The following ABCD3 variants were observed in gnomAD, a reference collection of about 807,000 sequenced individuals.
The protein encoded by ABCD3 is ATP-binding cassette sub-family D member 3.
In ABCD3, 41 loss-of-function variants were observed where a neutral mutation model predicts 105.5. That is an observed-to-expected ratio of 0.39 (90% CI 0.30 to 0.50). The LOEUF (loss-of-function observed/expected upper bound fraction) is 0.50. ABCD3 is among the 20% of genes least tolerant of loss of function. The probability of loss-of-function intolerance (pLI) is 0.84; values close to 1 mark genes in which losing one functional copy is unlikely to be tolerated. For synonymous variants in ABCD3, 258 were observed against 269.0 expected (o/e 0.96, Z 0.40); for missense variants, 622 against 806.3 (o/e 0.77, Z 2.77).
rs191557947 is a variant in ABCD3 at position 94,454,573 on chromosome 1, G to A, written c.111-4034G>A. 3.3e-5 allele frequency among the ~76,000 whole-genome samples: 5 copies of A among 152,222 alleles called. No homozygotes were observed. In the East Asian group the frequency reaches 9.7e-4, roughly 29 times the overall value. Reference sequence around the variant, plus strand: ...GTTGATTTTGTGGTTTGACTGAGGTGGTCTAGGATAGTATCTCTTTGACCT... The same window carrying A: ...GTTGATTTTGTGGTTTGACTGAGGTAGTCTAGGATAGTATCTCTTTGACCT... On this transcript the variant is annotated intron_variant, in intron 1 of 22. Coordinates refer to ENST00000370214, the MANE Select transcript of ABCD3 (RefSeq NM_002858.4).
At chr1:94,462,413 C>G (rs760127952) in intron 2 of ABCD3, among the ~76,000 whole-genome samples, 9 of 152,118 alleles carry the variant, frequency 5.9e-5, no homozygotes, top group Non-Finnish European at 1.5e-5. Context: ...TTCCTGACAT[C>G]TCTTTGAATT....
chr1:94,465,063 G>C (rs1648073728), intron 3 of ABCD3, among the ~76,000 whole-genome samples, 190 bp downstream of exon 3: 1 of 152,114 alleles, frequency 6.6e-6, no homozygotes, highest in Non-Finnish European at 1.5e-5. Context: ...GAAGGTGAAG[G>C]GGGAAGCCAG....
intron 1 of ABCD3, among the ~76,000 whole-genome samples, chr1:94,454,025 ATGTG>A (rs1224106216): frequency 6.6e-6 from 1 of 150,714 alleles, no homozygotes; most frequent in Non-Finnish European, 1.5e-5. Context: ...ATATAGATGT[ATGTG>A]GTCTATATAT....
At chr1:94,418,773 C>T (rs1378604928) in intron 1 of ABCD3, 185 bp downstream of exon 1, 6 of 629,608 alleles carry the variant, frequency 9.5e-6, no homozygotes, top group Non-Finnish European at 1.6e-5. Context: ...CGGCGTCGGT[C>T]CCAGCTGGCC....
intron 1 of ABCD3, among the ~76,000 whole-genome samples, chr1:94,432,194 G>A (rs929272678): frequency 6.6e-6 from 1 of 152,140 alleles, no homozygotes; most frequent in East Asian, 1.9e-4. Flanking sequence ...TTAAATAAAC[G>A]TTATTTTTAA....
the ABCD3 span, among the ~76,000 whole-genome samples, chr1:94,410,245 A>T: frequency 1.1e-4 from 17 of 152,320 alleles, no homozygotes; most frequent in East Asian, 3.3e-3. Flanking sequence ...ATAGATTCCC[A>T]TAGTACTTTG....
At chr1:94,480,681 A>G in intron 9 of ABCD3, 75 bp downstream of exon 9, 1 of 1,501,818 alleles carries the variant, frequency 6.7e-7, no homozygotes, top group Non-Finnish European at 9.2e-7. Flanking sequence ...TTGACTCCAA[A>G]AAGTCTAGTG....
intron 1 of ABCD3, among the ~76,000 whole-genome samples, chr1:94,457,603 T>G (rs1647640804): frequency 6.6e-6 from 1 of 152,036 alleles, no homozygotes; most frequent in Non-Finnish European, 1.5e-5. Flanking sequence ...GGCTCAGCTC[T>G]AGAGACACTC....
the ABCD3 span, among the ~76,000 whole-genome samples, chr1:94,401,766 G>T: frequency 6.6e-6 from 1 of 152,162 alleles, no homozygotes; most frequent in Non-Finnish European, 1.5e-5. Context: ...TTTAAAAAAT[G>T]ATTAGTTAGC....
chr1:94,466,189 T>C (rs779058719), intron 3 of ABCD3, among the ~76,000 whole-genome samples: 11 of 152,206 alleles, frequency 7.2e-5, no homozygotes, highest in Non-Finnish European at 1.0e-4. Flanking sequence ...CTCGTTTTGA[T>C]ATATAGTCAT....
In ABCD3 at chr1:94,444,450, C is replaced by T. The variant is rs1228909997; in HGVS notation, c.111-14157C>T. On this transcript the variant is annotated intron_variant, in intron 1 of 22. Coordinates refer to ENST00000370214, the MANE Select transcript of ABCD3 (RefSeq NM_002858.4). ...AAAGTGCTGTGATTACAGGTGTGAG[C>T]CACTGCACCTGGCCATTTTTATTTA... is the stretch of plus-strand genomic sequence containing the variant. Among the ~76,000 whole-genome samples, 3 of 151,996 alleles carry T rather than the reference C, an allele frequency of 2.0e-5. No individual in the cohort carries two copies. The South Asian group carries it at 6.2e-4, about 32-fold the overall frequency.
At chr1:94,420,890 T>C (rs2100864303) in intron 1 of ABCD3, among the ~76,000 whole-genome samples, 1 of 152,298 alleles carries the variant, frequency 6.6e-6, no homozygotes, top group Middle Eastern at 3.4e-3. Context: ...TAATAGTAGG[T>C]TGGTTTTAGA....
chr1:94,488,789 G>A (rs577388368), intron 13 of ABCD3, among the ~76,000 whole-genome samples: 12 of 151,366 alleles, frequency 7.9e-5, no homozygotes, highest in African/African-American at 2.9e-4. Flanking sequence ...TATATAAGGT[G>A]CTTCTGTTCC....
At chr1:94,483,120 C>A in intron 9 of ABCD3, 50 bp from the exon 10 acceptor site, 1 of 1,205,928 alleles carries the variant, frequency 8.3e-7, no homozygotes, top group Non-Finnish European at 1.2e-6. Flanking sequence ...CAATTATTTT[C>A]CAAGCATAGG....
intron 16 of ABCD3, among the ~76,000 whole-genome samples, chr1:94,492,727 T>TA (rs11430724): frequency 0.13 from 19,371 of 152,158 alleles, 1,265 homozygotes; most frequent in South Asian, 0.19. Flanking sequence ...TTCTCCTACT[T>TA]ACCCTCACTT....
intron 7 of ABCD3, among the ~76,000 whole-genome samples, chr1:94,476,286 C>T (rs1036085188): frequency 1.3e-5 from 2 of 152,134 alleles, no homozygotes; most frequent in Admixed American, 6.6e-5. Flanking sequence ...AGTTTTCCTT[C>T]TTCTCACTGA....
intron 1 of ABCD3, among the ~76,000 whole-genome samples, chr1:94,436,311 A>G (rs1659900133): frequency 6.6e-6 from 1 of 152,232 alleles, no homozygotes; most frequent in Non-Finnish European, 1.5e-5. Flanking sequence ...CTGATTCTCA[A>G]AGACACAGTT....
intron 19 of ABCD3, 23 bp downstream of exon 19, chr1:94,499,057 G>C: frequency 1.9e-6 from 3 of 1,567,938 alleles, no homozygotes; most frequent in Non-Finnish European, 2.6e-6. Context: ...TTATATCCTA[G>C]ATCCACTGAA....
chr1:94,399,652 T>C, the ABCD3 span, among the ~76,000 whole-genome samples: 4,342 of 152,334 alleles, frequency 0.029, 97 homozygotes, highest in South Asian at 0.11. Flanking sequence ...TTCAAGAGCA[T>C]GTGCTCAGAT....
Sources: gnomAD v4.1 joint callset for allele counts (sites outside exome capture counted in the v4.1 genomes callset) on GRCh38, gnomAD v4.1.1 for gene constraint, MANE v1.5 for transcripts, NCBI Gene and HGNC (gene_info 2026-07-23, HGNC 2026-07-21) for gene names.